The following USP43 variants were observed in gnomAD, a reference collection of about 807,000 sequenced individuals.
USP43 encodes ubiquitin specific peptidase 43, also known as ubiquitin carboxyl-terminal hydrolase 43.
A neutral mutation model predicts 90.7 loss-of-function variants in USP43; 33 were observed. That is an observed-to-expected ratio of 0.36 (90% CI 0.28 to 0.49). USP43 has a LOEUF of 0.49. USP43 is among the 20% of genes least tolerant of loss of function. The probability of loss-of-function intolerance (pLI) is 0.98; values close to 1 mark genes in which losing one functional copy is unlikely to be tolerated. For missense variants in USP43, 1,274 were observed against 1,476.4 expected (o/e 0.86, Z 2.25); for synonymous variants, 598 against 615.8 (o/e 0.97, Z 0.43).
At chr17:9,715,661 A>G (rs111210312) in intron 14 of USP43, among the ~76,000 whole-genome samples, 18 of 111,480 alleles carry the variant, frequency 1.6e-4, no homozygotes, top group African/African-American at 6.0e-4. Context: ...CTCTATGTGT[A>G]TGTGCCTGTG....
At chr17:9,718,756 C>T (rs1175987762) in intron 14 of USP43, among the ~76,000 whole-genome samples, 2 of 151,850 alleles carry the variant, frequency 1.3e-5, no homozygotes, top group African/African-American at 4.8e-5. Context: ...AGGAGAATTG[C>T]TTGAACCCGG....
At chr17:9,692,816 T>G (rs1915035493) in intron 8 of USP43, among the ~76,000 whole-genome samples, 1 of 152,224 alleles carries the variant, frequency 6.6e-6, no homozygotes, top group African/African-American at 2.4e-5. Flanking sequence ...CATGATTGAT[T>G]TATGTTCCAT....
In USP43 at chr17:9,645,546, G is replaced by A. The variant is rs1911306490; in HGVS notation, c.-87G>A. On this transcript the variant is annotated 5_prime_UTR_variant, in exon 1 of 15. Transcript: ENST00000285199. This position sits in a 1 kb window ranked among gnomAD's most constrained non-coding sequence, Gnocchi z 6.8. ...CTGGCCCGCAGGTAGCCGGCACCAG[G>A]AGCCTTAGAGAAGCTGTAGGGCCTG... The A allele has an allele frequency of 8.9e-7, 1 of 1,129,436 alleles. No homozygotes were observed. Among genetic ancestry groups the A allele is most frequent in the East Asian group, 4.4e-5 (1 of 22,918 alleles). 70.0% of individuals were successfully genotyped at this position (1,129,436 alleles called of 1,614,324 possible).
intron 1 of USP43, among the ~76,000 whole-genome samples, chr17:9,647,308 G>A (rs2151958669): frequency 6.6e-6 from 1 of 152,180 alleles, no homozygotes; most frequent in Admixed American, 6.5e-5. Context: ...GTGAAGCACT[G>A]TTCTGCAGCA....
intron 14 of USP43, among the ~76,000 whole-genome samples, chr17:9,726,208 C>T (rs535207817): frequency 2.6e-5 from 4 of 152,286 alleles, no homozygotes; most frequent in South Asian, 2.1e-4. Context: ...GCCTCCCCCG[C>T]GTTCCTGCAG....
intron 1 of USP43, among the ~76,000 whole-genome samples, chr17:9,655,598 C>G (rs1912186475): frequency 1.3e-5 from 2 of 152,092 alleles, no homozygotes; most frequent in African/African-American, 4.8e-5. Context: ...CAAGGGATAC[C>G]AGGAATGCAA....
At chr17:9,712,203 G>A (rs1406894338) in intron 14 of USP43, 71 bp downstream of exon 14, 1 of 1,441,456 alleles carries the variant, frequency 6.9e-7, no homozygotes, top group African/African-American at 1.4e-5. Context: ...CAGTATGAAA[G>A]CGCTGTCACT....
rs1916045159 is a variant in USP43 at position 9,709,109 on chromosome 17, G to C, written c.2012-847G>C. Among the ~76,000 whole-genome samples the C allele has an allele frequency of 6.6e-6, 1 of 152,160 alleles. No individual in the cohort carries two copies. The highest frequency in any genetic ancestry group is 2.1e-4 in the South Asian group (1 of 4,822). On this transcript the variant is annotated intron_variant, in intron 12 of 14. Transcript: ENST00000285199. This position sits in a 1 kb window ranked among gnomAD's most constrained non-coding sequence, Gnocchi z 5.0. ...AAAGTTTGCAAACTTCCAGATTACT[G>C]GGTTATGCTGTCATTTGCTGACACG...
intron 12 of USP43, among the ~76,000 whole-genome samples, chr17:9,708,608 A>C (rs1916016370): frequency 1.3e-5 from 2 of 152,112 alleles, no homozygotes; most frequent in Non-Finnish European, 2.9e-5. Context: ...GGCCGGATCC[A>C]ATCTAGGGCC....
chr17:9,677,418 C>T (rs192593412), intron 5 of USP43, among the ~76,000 whole-genome samples: 1 of 152,328 alleles, frequency 6.6e-6, no homozygotes, highest in East Asian at 1.9e-4. Flanking sequence ...AGTAAAGGAA[C>T]AGTAAATGAA....
Position 9,728,830 on chromosome 17 carries a change from G to A in USP43, c.3212G>A (p.Arg1071His), listed in dbSNP as rs943714275. The stretch of plus-strand genomic sequence containing the variant: ...GTCTGGTCAGCCCCCAGCTCTCTCC[G>A]CCTCCCTCGTAAAGCCAGCAGGGCC... ...RDVWSAPSSL[R>H]LPRKASRAPR... is the part of the protein sequence containing the mutation. The change falls in exon 15 of 15, where the codon CGC becomes CAC. Residue 1071 changes from arginine to histidine, a missense_variant. Arg to His is a conservative substitution (Grantham distance 29). Coordinates refer to ENST00000285199, the MANE Select transcript of USP43 (RefSeq NM_153210.5). The surrounding 1 kb of genome is among the most constrained non-coding windows in gnomAD (Gnocchi z 6.2). 12 of 1,613,598 alleles carry A rather than the reference G, an allele frequency of 7.4e-6. No individual in the cohort carries two copies. In the African/African-American group the frequency reaches 9.3e-5, roughly 13 times the overall value.
chr17:9,676,930 A>C (rs751498577), intron 5 of USP43, 49 bp downstream of exon 5: 2 of 1,592,334 alleles, frequency 1.3e-6, no homozygotes, highest in Admixed American at 1.7e-5. Context: ...TAGAATGCTA[A>C]CTGAGCCAGC....
intron 2 of USP43, among the ~76,000 whole-genome samples, chr17:9,657,503 A>G (rs1477124285): frequency 6.6e-6 from 1 of 151,976 alleles, no homozygotes; most frequent in African/African-American, 2.4e-5. Context: ...CCGTCTCAAA[A>G]AAAAAAGAAA....
chr17:9,700,069 T>A (rs1264325663), intron 9 of USP43, 103 bp from the exon 10 acceptor site: 11 of 1,141,022 alleles, frequency 9.6e-6, no homozygotes, highest in Non-Finnish European at 1.2e-5. Context: ...GTATTTCTGT[T>A]TGGAACATCA....
intron 12 of USP43, among the ~76,000 whole-genome samples, chr17:9,706,796 A>G (rs1043688028): frequency 6.6e-6 from 1 of 151,506 alleles, no homozygotes; most frequent in African/African-American, 2.4e-5. Flanking sequence ...GGCGGGTGCC[A>G]CCACACCCAG....
chr17:9,715,641 G>T (rs998556783), intron 14 of USP43, among the ~76,000 whole-genome samples: 11 of 142,996 alleles, frequency 7.7e-5, no homozygotes, highest in Non-Finnish European at 1.7e-4. Flanking sequence ...TGTGTTTCTT[G>T]TGTGTGTGTC....
intron 2 of USP43, 80 bp downstream of exon 2, chr17:9,656,614 A>G (rs1401753018): frequency 1.0e-5 from 15 of 1,477,618 alleles, no homozygotes; most frequent in South Asian, 1.4e-5. Flanking sequence ...TCAAAACTGA[A>G]TCTTGAAATT....
chr17:9,649,304 C>A (rs1911692028), intron 1 of USP43, among the ~76,000 whole-genome samples: 1 of 152,156 alleles, frequency 6.6e-6, no homozygotes, highest in Non-Finnish European at 1.5e-5. Flanking sequence ...GAGACTCCCT[C>A]TGAAAAACAG....
chr17:9,710,135 C>A, intron 13 of USP43, 21 bp downstream of exon 13: 1 of 1,449,154 alleles, frequency 6.9e-7, no homozygotes, highest in South Asian at 1.6e-5. Context: ...CTGCTCATGA[C>A]AGGAGGGGGG....
Sources: allele counts gnomAD v4.1 joint callset (sites outside exome capture counted in the v4.1 genomes callset), GRCh38; gene constraint gnomAD v4.1.1; non-coding constraint Gnocchi (gnomAD v3.1); transcripts MANE v1.5; gene names NCBI Gene and HGNC (gene_info 2026-07-23, HGNC 2026-07-21).